KLF12: variants seen among roughly 807,000 people sequenced by gnomAD.
KLF12 encodes KLF transcription factor 12, also known as Krueppel-like factor 12.
A neutral mutation model predicts 37.8 loss-of-function variants in KLF12; 9 were observed. That is an observed-to-expected ratio of 0.24 (90% CI 0.14 to 0.42). The LOEUF is 0.42. Ranked by LOEUF, KLF12 falls within the 10% of genes least tolerant of loss-of-function variation. The pLI, the probability that KLF12 is intolerant of heterozygous loss-of-function variation, is 1.00. For synonymous variants in KLF12, 208 were observed against 202.1 expected (o/e 1.03, Z -0.25); for missense variants, 411 against 516.0 (o/e 0.80, Z 1.97).
intron 5 of KLF12, among the ~76,000 whole-genome samples, chr13:73,806,970 CT>C (rs1369607870): frequency 6.6e-6 from 1 of 152,010 alleles, no homozygotes; most frequent in African/African-American, 2.4e-5. Flanking sequence ...AAAAAAAACC[CT>C]TAGATTCTAA....
At chr13:74,216,938 C>T in the KLF12 span, among the ~76,000 whole-genome samples, 2 of 152,142 alleles carry the variant, frequency 1.3e-5, no homozygotes, top group East Asian at 1.9e-4. Flanking sequence ...AAGAGTCGGC[C>T]TATATATAAA....
At chr13:74,304,603 A>G in the KLF12 span, among the ~76,000 whole-genome samples, 3 of 152,166 alleles carry the variant, frequency 2.0e-5, no homozygotes, top group African/African-American at 7.2e-5. Context: ...ATTTGAGAGA[A>G]AAATGAATTA....
chr13:74,068,914 A>G (rs1190740260), intron 1 of KLF12, among the ~76,000 whole-genome samples: 2 of 152,108 alleles, frequency 1.3e-5, no homozygotes, highest in Non-Finnish European at 2.9e-5. Context: ...TCTATCTTTT[A>G]ACTAACTTTT....
At chr13:73,923,405 A>C (rs1033534296) in intron 3 of KLF12, among the ~76,000 whole-genome samples, 3 of 152,140 alleles carry the variant, frequency 2.0e-5, no homozygotes, top group Non-Finnish European at 2.9e-5. Context: ...ACTCTCACGG[A>C]GTTTTAAAGG....
intron 5 of KLF12, among the ~76,000 whole-genome samples, chr13:73,798,228 T>A (rs1456232941): frequency 7.9e-5 from 12 of 151,946 alleles, no homozygotes; most frequent in African/African-American, 2.7e-4. Context: ...TGTAGAAGAG[T>A]GAAGCTTGAC....
chr13:73,725,182 C>A (rs573768050), intron 6 of KLF12, among the ~76,000 whole-genome samples: 1 of 152,220 alleles, frequency 6.6e-6, no homozygotes, highest in East Asian at 1.9e-4. Flanking sequence ...CTCACTGCAA[C>A]CTCCACCTCC....
intron 5 of KLF12, among the ~76,000 whole-genome samples, chr13:73,802,884 T>C (rs1480912937): frequency 1.3e-5 from 2 of 152,194 alleles, no homozygotes; most frequent in East Asian, 3.8e-4. Flanking sequence ...AATAAACTGA[T>C]TCAAACACAA....
intron 5 of KLF12, among the ~76,000 whole-genome samples, chr13:73,793,852 G>A (rs1018245848): frequency 3.3e-5 from 5 of 152,120 alleles, no homozygotes; most frequent in African/African-American, 1.2e-4. Context: ...CAGTCACGGT[G>A]CGTCATGATA....
At chr13:74,024,973 C>A (rs1253347655) in intron 1 of KLF12, among the ~76,000 whole-genome samples, 1 of 152,162 alleles carries the variant, frequency 6.6e-6, no homozygotes. Flanking sequence ...CCAATGGAAT[C>A]TCCCTTTATA....
At chr13:74,208,140 G>C in the KLF12 span, among the ~76,000 whole-genome samples, 2 of 152,100 alleles carry the variant, frequency 1.3e-5, no homozygotes, top group African/African-American at 4.8e-5. Flanking sequence ...TTTTGGTTAG[G>C]TCAAAAGGTA....
intron 3 of KLF12, among the ~76,000 whole-genome samples, chr13:73,931,137 C>A (rs1593745679): frequency 6.6e-6 from 1 of 152,124 alleles, no homozygotes; most frequent in Non-Finnish European, 1.5e-5. Context: ...GCATTACAGG[C>A]ATGAGCCACT....
the KLF12 span, among the ~76,000 whole-genome samples, chr13:74,147,126 A>C: frequency 6.6e-6 from 1 of 152,206 alleles, no homozygotes; most frequent in Non-Finnish European, 1.5e-5. Flanking sequence ...AAGGAGCTTC[A>C]GGAAAAGATG....
the KLF12 span, among the ~76,000 whole-genome samples, chr13:74,204,291 C>A: frequency 1.2e-4 from 18 of 152,098 alleles, no homozygotes; most frequent in South Asian, 3.5e-3. Flanking sequence ...GCAATTTTTT[C>A]TTTTTTCAAA....
At chr13:73,862,055 GTT>G (rs10591257) in intron 3 of KLF12, among the ~76,000 whole-genome samples, 38,349 of 142,880 alleles carry the variant, frequency 0.27, 5,009 homozygotes, top group East Asian at 0.52. Context: ...ATATAGTTGG[GTT>G]TTTTTTTTTT....
intron 2 of KLF12, among the ~76,000 whole-genome samples, chr13:73,953,153 T>C (rs1890703451): frequency 6.6e-6 from 1 of 152,186 alleles, no homozygotes; most frequent in African/African-American, 2.4e-5. Flanking sequence ...CATTCTGGGA[T>C]ACATGAATAT....
chr13:73,959,165 T>A (rs1890944884), intron 2 of KLF12, among the ~76,000 whole-genome samples: 2 of 127,908 alleles, frequency 1.6e-5, no homozygotes, highest in Admixed American at 1.6e-4. Context: ...TTGCTCCGCA[T>A]CATGAATTTT....
At chr13:74,241,810 C>G in the KLF12 span, among the ~76,000 whole-genome samples, 7 of 152,084 alleles carry the variant, frequency 4.6e-5, no homozygotes, top group Non-Finnish European at 8.8e-5. Context: ...GGCTCGCGCA[C>G]GGTGCATGCA....
intron 6 of KLF12, among the ~76,000 whole-genome samples, chr13:73,719,281 CCA>C (rs1024093091): frequency 7.4e-4 from 112 of 152,264 alleles, no homozygotes; most frequent in African/African-American, 2.5e-3. Flanking sequence ...CAGCATATAT[CCA>C]CAGTCGGCGG....
At chr13:73,995,488 A>T (rs1892086962) in intron 1 of KLF12, among the ~76,000 whole-genome samples, 1 of 152,188 alleles carries the variant, frequency 6.6e-6, no homozygotes, top group Non-Finnish European at 1.5e-5. Flanking sequence ...CAACTGAGAG[A>T]ATTTAAAGTA....
Sources: allele counts gnomAD v4.1 joint callset (sites outside exome capture counted in the v4.1 genomes callset), GRCh38; gene constraint gnomAD v4.1.1; transcripts MANE v1.5; gene names NCBI Gene and HGNC (gene_info 2026-07-23, HGNC 2026-07-21).